Variants in HERC3 observed in about 807,000 individuals in gnomAD.
The protein encoded by HERC3 is probable E3 ubiquitin-protein ligase HERC3.
HERC3 carries 58 observed loss-of-function variants against 129.9 expected under a neutral mutation model. The ratio of observed to expected loss-of-function variants is 0.45; its 90% CI spans 0.36 to 0.56. HERC3 has a LOEUF of 0.56. Ranked by LOEUF, HERC3 falls within the 20% of genes least tolerant of loss-of-function variation. HERC3 has a pLI of 0.00. For synonymous variants in HERC3, 430 were observed against 451.0 expected (o/e 0.95, Z 0.59); for missense variants, 835 against 1,244.2 (o/e 0.67, Z 4.95).
intron 1 of HERC3, among the ~76,000 whole-genome samples, chr4:88,593,682 T>A (rs886416475): frequency 1.3e-5 from 2 of 152,250 alleles, no homozygotes; most frequent in Non-Finnish European, 2.9e-5. Context: ...TCCATTTGTA[T>A]GTGTCTTCTG....
At chr4:88,651,520 G>T (rs1459886188) in intron 4 of HERC3, among the ~76,000 whole-genome samples, 3 of 152,164 alleles carry the variant, frequency 2.0e-5, no homozygotes, top group Non-Finnish European at 2.9e-5. Context: ...TTATGGGGAG[G>T]ATAGAAGGAG....
the HERC3 span, among the ~76,000 whole-genome samples, chr4:88,578,509 G>T: frequency 3.3e-5 from 5 of 152,004 alleles, no homozygotes; most frequent in Admixed American, 6.6e-5. Context: ...TTGAACCCGG[G>T]GGGTGGAGGT....
chr4:88,656,241 T>G, intron 9 of HERC3: 1 of 581,724 alleles, frequency 1.7e-6, no homozygotes, highest in Non-Finnish European at 3.0e-6. Context: ...GGAAATACTG[T>G]TGTGTTAGGC....
chr4:88,692,968 G>C, intron 23 of HERC3: 3 of 983,874 alleles, frequency 3.0e-6, no homozygotes, highest in South Asian at 4.7e-5. Flanking sequence ...TTTTCAAAAA[G>C]CAAAATTGTA....
intron 1 of HERC3, among the ~76,000 whole-genome samples, chr4:88,594,052 A>AGG (rs1288088839): frequency 6.6e-6 from 1 of 152,124 alleles, no homozygotes; most frequent in African/African-American, 2.4e-5. Flanking sequence ...ACAGGTTAGA[A>AGG]ACCTCTTTGG....
intron 7 of HERC3, among the ~76,000 whole-genome samples, chr4:88,654,387 T>TATATACAC (rs1321614619): frequency 4.2e-5 from 4 of 94,316 alleles, no homozygotes; most frequent in African/African-American, 1.3e-4. Flanking sequence ...TATATATATA[T>TATATACAC]ACACACACAC....
chr4:88,593,096 G>A (rs1321918368), intron 1 of HERC3, among the ~76,000 whole-genome samples: 3 of 152,172 alleles, frequency 2.0e-5, no homozygotes, highest in Non-Finnish European at 1.5e-5. Flanking sequence ...CGGCCGCGAG[G>A]AGTTTGCGCC....
In HERC3 at chr4:88,669,957, C is replaced by T; in HGVS notation, c.1731C>T (p.Phe577=). The change falls in exon 15 of 26, where the codon TTC becomes TTT. Residue 577 remains phenylalanine (F), a synonymous_variant. Transcript: ENST00000402738. The stretch of plus-strand genomic sequence containing the variant: ...ATCTACTGAGGGGAAGAAAGACATT[C>T]TTAATTCCCGTACTGTTTAACAATT... The part of the protein sequence containing the change: ...VLYLLRGRKT[F]LIPVLFNNYI... 6.2e-7 allele frequency: 1 copy of T among 1,613,804 alleles called. No homozygotes were observed. Among genetic ancestry groups the T allele is most frequent in the Non-Finnish European group, 8.5e-7 (1 of 1,179,788 alleles).
At chr4:88,680,644 G>A (rs1304629471) in intron 20 of HERC3, among the ~76,000 whole-genome samples, 1 of 152,166 alleles carries the variant, frequency 6.6e-6, no homozygotes, top group African/African-American at 2.4e-5. Flanking sequence ...GTTTTTAAAG[G>A]CGTTCTAATT....
Position 88,678,001 on chromosome 4 carries a change from T to C in HERC3, c.2063T>C (p.Met688Thr). 1.9e-6 allele frequency: 3 copies of C among 1,613,704 alleles called. No individual in the cohort carries two copies. Among genetic ancestry groups the C allele is most frequent in the Non-Finnish European group, 8.5e-7 (1 of 1,180,000 alleles). Reference sequence around the variant, plus strand: ...GGAGCCAACCTGCAGAATGTCTTCATGCTTCTCACCCTGGAGCCTCTGCTG... The same window carrying C: ...GGAGCCAACCTGCAGAATGTCTTCACGCTTCTCACCCTGGAGCCTCTGCTG... ...VNGANLQNVF[M>T]LLTLEPLLAR... is the part of the protein sequence containing the mutation. Residue 688 changes from methionine to threonine, a missense_variant, in exon 19 of 26, where the codon ATG becomes ACG. Transcript: ENST00000402738.
At chr4:88,634,608 G>A (rs370560361) in intron 3 of HERC3, among the ~76,000 whole-genome samples, 47 of 149,672 alleles carry the variant, frequency 3.1e-4, no homozygotes, top group African/African-American at 1.2e-3. Flanking sequence ...TTTCCCCCCA[G>A]CACAGCACAC....
At chr4:88,681,499 G>A (rs151285383) in intron 21 of HERC3, among the ~76,000 whole-genome samples, 174 bp downstream of exon 21, 6 of 152,316 alleles carry the variant, frequency 3.9e-5, no homozygotes, top group African/African-American at 1.4e-4. Context: ...TTGAGACATT[G>A]CCTGTGTTAT....
At chr4:88,574,249 A>G in the HERC3 span, among the ~76,000 whole-genome samples, 1 of 152,256 alleles carries the variant, frequency 6.6e-6, no homozygotes, top group Non-Finnish European at 1.5e-5. Context: ...GTCCTGTGGC[A>G]GTGCACAGAG....
At chr4:88,698,358 G>A (rs1267598640) in intron 23 of HERC3, among the ~76,000 whole-genome samples, 1 of 151,942 alleles carries the variant, frequency 6.6e-6, no homozygotes, top group Non-Finnish European at 1.5e-5. Flanking sequence ...CTGTACCTAT[G>A]TGTCCACCCA....
the HERC3 span, among the ~76,000 whole-genome samples, chr4:88,569,708 C>T: frequency 1.3e-5 from 2 of 152,192 alleles, no homozygotes; most frequent in Non-Finnish European, 2.9e-5. Context: ...AACCTTGATC[C>T]TCAGCCCTCC....
At chr4:88,567,846 A>G in the HERC3 span, among the ~76,000 whole-genome samples, 1 of 152,110 alleles carries the variant, frequency 6.6e-6, no homozygotes, top group Admixed American at 6.6e-5. Flanking sequence ...TGGTCTTGAT[A>G]CTTGTTGATG....
chr4:88,549,692 ATTTTCT>A, the HERC3 span, among the ~76,000 whole-genome samples: 1 of 149,158 alleles, frequency 6.7e-6, no homozygotes, highest in Non-Finnish European at 1.5e-5. Flanking sequence ...TATGTACCAC[ATTTTCT>A]TTTTCTTTTT....
At chr4:88,625,641 A>C (rs576005516) in intron 3 of HERC3, among the ~76,000 whole-genome samples, 1 of 152,140 alleles carries the variant, frequency 6.6e-6, no homozygotes, top group South Asian at 2.1e-4. Context: ...TTCTTGCCTT[A>C]TTTCACTTGG....
At chr4:88,552,331 A>G in the HERC3 span, among the ~76,000 whole-genome samples, 1 of 151,752 alleles carries the variant, frequency 6.6e-6, no homozygotes, top group Non-Finnish European at 1.5e-5. Flanking sequence ...CTCAGAGTCC[A>G]TTCTTTGGGT....
Sources: gnomAD v4.1 joint callset for allele counts (sites outside exome capture counted in the v4.1 genomes callset) on GRCh38, gnomAD v4.1.1 for gene constraint, MANE v1.5 for transcripts, NCBI Gene and HGNC (gene_info 2026-07-23, HGNC 2026-07-21) for gene names.